Variants in ZFYVE9 observed in about 807,000 individuals in gnomAD.
The protein encoded by ZFYVE9 is zinc finger FYVE-type containing 9.
Under a neutral mutation model 126.7 loss-of-function variants are expected in ZFYVE9, and 43 were observed. The ratio of observed to expected loss-of-function variants is 0.34; its 90% CI spans 0.27 to 0.44. The LOEUF is 0.44. Ranked by LOEUF, ZFYVE9 falls within the 20% of genes least tolerant of loss-of-function variation. The probability of loss-of-function intolerance (pLI) is 1.00; values close to 1 mark genes in which losing one functional copy is unlikely to be tolerated. For synonymous variants in ZFYVE9, 521 were observed against 597.4 expected, an observed-to-expected ratio of 0.87 and a Z score of 1.87; for missense variants, 1,476 against 1,697.0, an observed-to-expected ratio of 0.87 and a Z score of 2.29.
chr1:52,286,452 CTT>C (rs1176469203), intron 10 of ZFYVE9, among the ~76,000 whole-genome samples: 1 of 152,122 alleles, frequency 6.6e-6, no homozygotes, highest in South Asian at 2.1e-4. Flanking sequence ...TACACACACA[CTT>C]TTTTGTCATA....
intron 1 of ZFYVE9, among the ~76,000 whole-genome samples, chr1:52,164,537 C>CATCT (rs201486707): frequency 0.019 from 2,835 of 152,096 alleles, 85 homozygotes; most frequent in African/African-American, 0.064. Context: ...TATCTTTATA[C>CATCT]ATCTATCTAT....
intron 13 of ZFYVE9, among the ~76,000 whole-genome samples, chr1:52,323,589 A>G (rs1320648667): frequency 6.6e-6 from 1 of 151,922 alleles, no homozygotes; most frequent in African/African-American, 2.4e-5. Context: ...GCCTGGGCAC[A>G]TAGCGTGAGA....
intron 1 of ZFYVE9, among the ~76,000 whole-genome samples, chr1:52,202,996 A>G (rs1480235479): frequency 6.6e-6 from 1 of 152,070 alleles, no homozygotes; most frequent in Non-Finnish European, 1.5e-5. Context: ...CAAAGTGATT[A>G]TTAATATAAT....
chr1:52,318,475 A>G (rs776792968), intron 13 of ZFYVE9, among the ~76,000 whole-genome samples: 36 of 151,924 alleles, frequency 2.4e-4, no homozygotes, highest in Non-Finnish European at 4.6e-4. Context: ...AAAAATCTAT[A>G]ACATCTCTAA....
intron 1 of ZFYVE9, among the ~76,000 whole-genome samples, chr1:52,181,168 A>G (rs1644697984): frequency 6.6e-6 from 1 of 151,810 alleles, no homozygotes; most frequent in African/African-American, 2.4e-5. Context: ...ATCTCGGCTC[A>G]CTGCAACCTC....
intron 13 of ZFYVE9, among the ~76,000 whole-genome samples, chr1:52,326,060 T>C (rs778172289): frequency 6.6e-6 from 1 of 152,348 alleles, no homozygotes; most frequent in South Asian, 2.1e-4. Flanking sequence ...ATGGTTCTTA[T>C]GAGATAATGC....
chr1:52,167,143 A>T (rs1052134711), intron 1 of ZFYVE9, among the ~76,000 whole-genome samples: 11 of 152,182 alleles, frequency 7.2e-5, no homozygotes, highest in Non-Finnish European at 1.6e-4. Flanking sequence ...CATTGTCAGG[A>T]TTGCTATAGT....
At chr1:52,330,064 TA>T (rs1195484001) in intron 13 of ZFYVE9, among the ~76,000 whole-genome samples, 2 of 151,024 alleles carry the variant, frequency 1.3e-5, no homozygotes, top group African/African-American at 4.9e-5. Flanking sequence ...CCATAGTCTC[TA>T]AAAAAAAGAC....
At chr1:52,232,841 G>GA (rs1017349077) in intron 2 of ZFYVE9, among the ~76,000 whole-genome samples, 6 of 146,576 alleles carry the variant, frequency 4.1e-5, no homozygotes, top group South Asian at 2.2e-4. Context: ...TTTCCCATTT[G>GA]AAAAAAATTC....
intron 13 of ZFYVE9, among the ~76,000 whole-genome samples, chr1:52,323,371 T>C (rs1374056951): frequency 3.9e-5 from 6 of 152,370 alleles, no homozygotes; most frequent in Non-Finnish European, 7.3e-5. Context: ...CTTGTCATTG[T>C]ATAATAGTTT....
chr1:52,147,091 C>T (rs1050161823), intron 1 of ZFYVE9, among the ~76,000 whole-genome samples: 15 of 152,014 alleles, frequency 9.9e-5, no homozygotes, highest in Non-Finnish European at 2.1e-4. Context: ...TTAGGCTATG[C>T]GTATAAGTAT....
intron 13 of ZFYVE9, among the ~76,000 whole-genome samples, chr1:52,327,699 C>T (rs1646305409): frequency 6.6e-6 from 1 of 151,896 alleles, no homozygotes; most frequent in South Asian, 2.1e-4. Context: ...GTAGGCCGGG[C>T]GCGATGGCTC....
At chr1:52,270,927 C>T (rs1439853877) in intron 7 of ZFYVE9, among the ~76,000 whole-genome samples, 1 of 152,074 alleles carries the variant, frequency 6.6e-6, no homozygotes, top group Non-Finnish European at 1.5e-5. Flanking sequence ...CAGTGGCTCA[C>T]ATCTGTAATC....
intron 6 of ZFYVE9, among the ~76,000 whole-genome samples, chr1:52,268,091 T>C (rs796907225): frequency 2.6e-5 from 4 of 152,362 alleles, no homozygotes; most frequent in African/African-American, 9.6e-5. Context: ...AAAATGTGAA[T>C]GTCTATTGCT....
Position 52,239,586 on chromosome 1 carries a change from A to G in ZFYVE9, c.2169A>G (p.Ala723=). The G allele has an allele frequency of 6.2e-7, 1 of 1,610,224 alleles. No individual in the cohort carries two copies. The highest frequency in any genetic ancestry group is 8.5e-7 in the Non-Finnish European group (1 of 1,177,214). The change falls in exon 4 of 19, where the codon GCA becomes GCG. Residue 723 remains alanine, a synonymous_variant. Transcript: ENST00000287727. ...TFTKRRHHCR[A]CGKVFCASCC... ...CCAAAAGGAGGCATCACTGCAGAGC[A>G]TGTGGGAAGGTAAGTTGCATGTATA...
chr1:52,312,115 G>C lies in ZFYVE9; in HGVS notation c.3438+8190G>C, dbSNP rs377369244. The stretch of plus-strand genomic sequence containing the variant: ...TTCATTTGGTTAACTTATTGAACTT[G>C]TGTTACAAACTTCTCATTTTCATGT... On this transcript the variant is annotated intron_variant, in intron 13 of 18. Transcript: ENST00000287727. 1.1e-4 allele frequency among the ~76,000 whole-genome samples: 17 copies of C among 152,220 alleles called. No homozygotes were observed. The East Asian group carries it at 2.9e-3, about 26-fold the overall frequency.
chr1:52,188,085 A>G (rs572940923), intron 1 of ZFYVE9, among the ~76,000 whole-genome samples: 5 of 152,378 alleles, frequency 3.3e-5, no homozygotes, highest in East Asian at 3.8e-4. Context: ...CTAAATGCCT[A>G]TCAATGGCAT....
intron 1 of ZFYVE9, among the ~76,000 whole-genome samples, chr1:52,156,982 G>A (rs908506498): frequency 3.3e-5 from 5 of 151,908 alleles, no homozygotes; most frequent in Non-Finnish European, 4.4e-5. Context: ...ACAGGCGCCC[G>A]CCACCTCGCC....
intron 13 of ZFYVE9, among the ~76,000 whole-genome samples, chr1:52,330,578 C>T (rs2762821): frequency 0.15 from 23,316 of 152,156 alleles, 2,009 homozygotes; most frequent in Middle Eastern, 0.22. Flanking sequence ...AACTGTCATG[C>T]ATGGGTGGGA....
Sources: gnomAD v4.1 joint callset for allele counts (sites outside exome capture counted in the v4.1 genomes callset) on GRCh38, gnomAD v4.1.1 for gene constraint, MANE v1.5 for transcripts, NCBI Gene and HGNC (gene_info 2026-07-23, HGNC 2026-07-21) for gene names.